ABLIM3: variants seen among roughly 807,000 people sequenced by gnomAD.
The protein encoded by ABLIM3 is actin binding LIM protein family member 3.
ABLIM3 carries 61 observed loss-of-function variants against 109.5 expected under a neutral mutation model. That is an observed-to-expected ratio of 0.56 (90% CI 0.45 to 0.69). The LOEUF is 0.69. ABLIM3 is among the 30% of genes least tolerant of loss of function. The probability of loss-of-function intolerance (pLI) is 0.00; values close to 1 mark genes in which losing one functional copy is unlikely to be tolerated. For synonymous variants in ABLIM3, 300 were observed against 324.8 expected (o/e 0.92, Z 0.82); for missense variants, 796 against 889.5 (o/e 0.89, Z 1.34).
At position 149,223,468 on chromosome 5, in the gene ABLIM3, G is replaced by T. The variant is rs1467832088; in HGVS notation, c.757+6422G>T. ...CATTTTATTAGTCTAGACATTTTAG[G>T]TGACAGAAACCTAACTCAAGCTATG... On this transcript the variant is annotated intron_variant, in intron 8 of 23. Coordinates refer to ENST00000309868, the MANE Select transcript of ABLIM3 (RefSeq NM_014945.5). Among the ~76,000 whole-genome samples the T allele has an allele frequency of 2.6e-5, 4 of 152,176 alleles. No individual in the cohort carries two copies. The East Asian group carries it at 5.8e-4, about 22-fold the overall frequency.
intron 6 of ABLIM3, 68 bp downstream of exon 6, chr5:149,207,202 C>G: frequency 6.4e-7 from 1 of 1,562,932 alleles, no homozygotes. Context: ...CCCATTGAGC[C>G]CATGCCTACA....
chr5:149,170,784 T>C (rs561099900), intron 2 of ABLIM3, among the ~76,000 whole-genome samples: 158 of 152,334 alleles, frequency 1.0e-3, no homozygotes, highest in African/African-American at 3.7e-3. Context: ...GTCCGTTGAT[T>C]TGGGGGGAGG....
At chr5:149,183,615 C>T (rs1368634549) in intron 3 of ABLIM3, 26 bp downstream of exon 3, 2 of 1,501,804 alleles carry the variant, frequency 1.3e-6, no homozygotes, top group Non-Finnish European at 1.8e-6. Flanking sequence ...CCCCCACTCT[C>T]TTCTTAGATT....
At chr5:149,175,746 C>T (rs1309463288) in intron 2 of ABLIM3, among the ~76,000 whole-genome samples, 10 of 152,210 alleles carry the variant, frequency 6.6e-5, no homozygotes, top group Admixed American at 6.5e-4. Flanking sequence ...TTGTGAAGCT[C>T]ACTGCAGTGA....
chr5:149,247,171 T>A (rs1190790612), intron 17 of ABLIM3, among the ~76,000 whole-genome samples: 1 of 152,194 alleles, frequency 6.6e-6, no homozygotes, highest in Non-Finnish European at 1.5e-5. Context: ...CTTGAAAACA[T>A]TATGCTTAAG....
intron 10 of ABLIM3, 85 bp from the exon 11 acceptor site, chr5:149,237,363 C>T (rs1752308711): frequency 7.2e-7 from 1 of 1,389,120 alleles, no homozygotes; most frequent in East Asian, 2.3e-5. Flanking sequence ...TTTGTTCCTT[C>T]TGTATCTTGT....
At chr5:149,232,687 A>G (rs750612442) in intron 9 of ABLIM3, among the ~76,000 whole-genome samples, 14 of 152,208 alleles carry the variant, frequency 9.2e-5, no homozygotes, top group Non-Finnish European at 1.5e-4. Context: ...GCACCCTCTT[A>G]TGCATTAAGA....
Position 149,181,622 on chromosome 5 carries a change from A to T in ABLIM3, c.14-1830A>T, listed in dbSNP as rs142589188. 5.5e-3 allele frequency among the ~76,000 whole-genome samples: 835 copies of T among 152,330 alleles called. 8 individuals are homozygous for T. The highest frequency in any genetic ancestry group is 0.019 in the African/African-American group (790 of 41,566). On this transcript the variant is annotated intron_variant, in intron 2 of 23. Coordinates refer to ENST00000309868, the MANE Select transcript of ABLIM3 (RefSeq NM_014945.5). Reference sequence around the variant, plus strand: ...CTCTTTGCTCTATAGCATCCTTGGGATTCAGGATACCTGTAAATGGGAGAT... The same window carrying T: ...CTCTTTGCTCTATAGCATCCTTGGGTTTCAGGATACCTGTAAATGGGAGAT...
intron 6 of ABLIM3, 52 bp downstream of exon 6, chr5:149,207,186 G>A: frequency 6.3e-7 from 1 of 1,591,182 alleles, no homozygotes; most frequent in East Asian, 2.3e-5. Flanking sequence ...ATTCTGTGAG[G>A]CCTGCCCCAT....
chr5:149,180,941 C>A (rs1341360589), intron 2 of ABLIM3, among the ~76,000 whole-genome samples: 1 of 152,038 alleles, frequency 6.6e-6, no homozygotes, highest in East Asian at 1.9e-4. Flanking sequence ...AAATCAAATC[C>A]AATTAGAAAA....
chr5:149,168,426 G>T (rs889085837), intron 2 of ABLIM3, among the ~76,000 whole-genome samples: 2 of 152,188 alleles, frequency 1.3e-5, no homozygotes, highest in African/African-American at 4.8e-5. Context: ...AATCTGAAGG[G>T]ACAGGGCTCG....
chr5:149,239,936 A>T (rs1752632984), intron 13 of ABLIM3, 48 bp downstream of exon 13: 1 of 1,562,824 alleles, frequency 6.4e-7, no homozygotes, highest in African/African-American at 1.4e-5. Context: ...CAGGGAGACA[A>T]TGCAGTCACT....
chr5:149,185,466 AG>A (rs1312641643), intron 3 of ABLIM3, among the ~76,000 whole-genome samples: 6 of 152,208 alleles, frequency 3.9e-5, no homozygotes, highest in African/African-American at 1.4e-4. Context: ...TGGCCAACCC[AG>A]ATTCAAGGTC....
rs201072285 is a variant in ABLIM3, at chr5:149,205,843, A to T, written c.449-1165A>T. On this transcript the variant is annotated intron_variant, in intron 5 of 23. Transcript: ENST00000309868. ...GGGAACTGACTCATACAAACACTTC[A>T]TCAAGGCCCCAGACCCTCCCCACAG... Among the ~76,000 whole-genome samples, 22 of 152,232 alleles carry T rather than the reference A, an allele frequency of 1.4e-4. No homozygotes were observed. The East Asian group carries it at 3.3e-3, about 23-fold the overall frequency.
intron 3 of ABLIM3, among the ~76,000 whole-genome samples, chr5:149,185,438 T>G (rs1341055256): frequency 6.6e-6 from 1 of 152,194 alleles, no homozygotes; most frequent in African/African-American, 2.4e-5. Flanking sequence ...GTCCTGCTGT[T>G]GGCCAAAACA....
chr5:149,246,398 C>A, intron 16 of ABLIM3, 84 bp from the exon 17 acceptor site: 6 of 1,314,880 alleles, frequency 4.6e-6, no homozygotes, highest in Non-Finnish European at 6.3e-6. Flanking sequence ...AGAAAAGTGG[C>A]TTTTCTTTTT....
At chr5:149,187,825 A>C (rs1561566176) in intron 3 of ABLIM3, among the ~76,000 whole-genome samples, 1 of 152,120 alleles carries the variant, frequency 6.6e-6, no homozygotes, top group African/African-American at 2.4e-5. Flanking sequence ...TCACCCCGTC[A>C]TTCTCTTTAA....
intron 2 of ABLIM3, among the ~76,000 whole-genome samples, chr5:149,154,202 A>G (rs1209281627): frequency 2.0e-5 from 3 of 152,284 alleles, no homozygotes; most frequent in Non-Finnish European, 4.4e-5. Flanking sequence ...GTCTATTCCT[A>G]TGTTTTGAGA....
At chr5:149,250,139 T>C (rs1753781644) in intron 19 of ABLIM3, among the ~76,000 whole-genome samples, 1 of 152,168 alleles carries the variant, frequency 6.6e-6, no homozygotes, top group South Asian at 2.1e-4. Context: ...TCCAGGGCCT[T>C]TGTCCAGAGC....
Sources: allele counts gnomAD v4.1 joint callset (sites outside exome capture counted in the v4.1 genomes callset), GRCh38; gene constraint gnomAD v4.1.1; transcripts MANE v1.5; gene names NCBI Gene and HGNC (gene_info 2026-07-23, HGNC 2026-07-21).